The following PXK variants were observed in gnomAD, a reference collection of about 807,000 sequenced individuals.
The protein encoded by PXK is PX domain containing serine/threonine kinase like, also known as PX domain-containing protein kinase-like protein.
A neutral mutation model predicts 84.7 loss-of-function variants in PXK; 35 were observed. That is an observed-to-expected ratio of 0.41 (90% CI 0.32 to 0.55). The LOEUF (loss-of-function observed/expected upper bound fraction) is 0.55, where lower values mean the gene tolerates loss of function less well. PXK is among the 20% of genes least tolerant of loss of function. The pLI is 0.21. For missense variants in PXK, 634 were observed against 699.7 expected (o/e 0.91, Z 1.06); for synonymous variants, 253 against 260.8 (o/e 0.97, Z 0.29).
chr3:58,381,897 G>A (rs2098506744), intron 3 of PXK, among the ~76,000 whole-genome samples: 1 of 152,154 alleles, frequency 6.6e-6, no homozygotes, highest in Non-Finnish European at 1.5e-5. Flanking sequence ...ATGTCACCTG[G>A]TAGCAGGGGT....
chr3:58,395,106 C>G lies in PXK; in HGVS notation c.720+4C>G, dbSNP rs779199013. 111 of 1,592,880 alleles carry G rather than the reference C, an allele frequency of 7.0e-5. No homozygotes were observed. Among genetic ancestry groups the G allele is most frequent in the Non-Finnish European group, 5.8e-5 (67 of 1,161,372 alleles). ...ATTGAAGGATCTGATCTACAAGGTA[C>G]CTGTGCAAGTTCATGGTCATAAGGA... On this transcript the variant is annotated splice_donor_region_variant and intron_variant, in intron 8 of 17. Coordinates refer to ENST00000356151, the MANE Select transcript of PXK (RefSeq NM_017771.5).
At chr3:58,405,416 C>T (rs1165180473) in intron 13 of PXK, among the ~76,000 whole-genome samples, 1 of 152,070 alleles carries the variant, frequency 6.6e-6, no homozygotes, top group Admixed American at 6.5e-5. Flanking sequence ...TGGTGGCTCA[C>T]GCTTGTAATC....
At chr3:58,378,397 T>C (rs981207637) in intron 3 of PXK, among the ~76,000 whole-genome samples, 2 of 152,018 alleles carry the variant, frequency 1.3e-5, no homozygotes, top group Admixed American at 1.3e-4. Context: ...CACTCTTGAA[T>C]ATGGGCTGAT....
intron 8 of PXK, 23 bp from the exon 9 acceptor site, chr3:58,395,635 G>C: frequency 1.3e-6 from 2 of 1,558,178 alleles, no homozygotes; most frequent in Non-Finnish European, 1.8e-6. Flanking sequence ...GCTTTCTTAC[G>C]TGTTCTTTGT....
rs2097542392 is a variant in PXK at position 58,333,894 on chromosome 3, G to A, written c.102+804G>A. Among the ~76,000 whole-genome samples the A allele has an allele frequency of 6.7e-6, 1 of 149,430 alleles. No individual in the cohort carries two copies. ...CTTGTACCTTTTTTTTTTTTTGAAA[G>A]GCCCACTATGCATTATAATTTCCAA... On this transcript the variant is annotated intron_variant, in intron 1 of 17. Coordinates refer to ENST00000356151, the MANE Select transcript of PXK (RefSeq NM_017771.5). This position sits in a 1 kb window ranked among gnomAD's most constrained non-coding sequence, Gnocchi z 5.4.
At chr3:58,361,041 A>G (rs111835632) in intron 1 of PXK, among the ~76,000 whole-genome samples, 3,793 of 151,920 alleles carry the variant, frequency 0.025, 159 homozygotes, top group African/African-American at 0.087. Context: ...TCACGCCTGT[A>G]ATCCTGGCAC....
rs2059609822 is a variant in PXK at position 58,407,737 on chromosome 3, A to C, written c.1231-1187A>C. 6.6e-6 allele frequency among the ~76,000 whole-genome samples: 1 copy of C among 152,054 alleles called. No homozygotes were observed. The highest frequency in any genetic ancestry group is 1.5e-5 in the Non-Finnish European group (1 of 68,010). On this transcript the variant is annotated intron_variant, in intron 13 of 17. Transcript: ENST00000356151. The surrounding 1 kb of genome is among the most constrained non-coding windows in gnomAD (Gnocchi z 4.3). Reference sequence around the variant, plus strand: ...ACACCTGGCTAATTTTTGTATCTTTAGTAGAGACGGGGTTTTGCCATGTTG... The same window carrying C: ...ACACCTGGCTAATTTTTGTATCTTTCGTAGAGACGGGGTTTTGCCATGTTG...
At chr3:58,359,538 A>G (rs1271824246) in intron 1 of PXK, among the ~76,000 whole-genome samples, 1 of 151,986 alleles carries the variant, frequency 6.6e-6, no homozygotes, top group African/African-American at 2.4e-5. Flanking sequence ...TCAAAAAAAA[A>G]AAAAAAGAAA....
chr3:58,342,647 A>AAAAAAAAAAG (rs1553743386), intron 1 of PXK, among the ~76,000 whole-genome samples: 10 of 138,782 alleles, frequency 7.2e-5, no homozygotes, highest in African/African-American at 2.9e-4. Context: ...AAAAAAAAAA[A>AAAAAAAAAAG]AAAAGAAAAG....
chr3:58,368,512 G>A lies in PXK; in HGVS notation c.154-919G>A, dbSNP rs938763808. On this transcript the variant is annotated intron_variant, in intron 2 of 17. Transcript: ENST00000356151. ...TAATCTTTGTATTTTTAGTAGAGAC[G>A]GGTTTCGCCACATTGGCCAGGCTGG... Among the ~76,000 whole-genome samples, 19 of 152,010 alleles carry A rather than the reference G, an allele frequency of 1.2e-4. No homozygotes were observed. In the East Asian group the frequency reaches 2.9e-3, roughly 23 times the overall value.
chr3:58,378,926 G>A (rs112452282), intron 3 of PXK, among the ~76,000 whole-genome samples: 1 of 151,470 alleles, frequency 6.6e-6, no homozygotes, highest in Non-Finnish European at 1.5e-5. Flanking sequence ...ATTATTATTA[G>A]TAGTAGTAGT....
intron 3 of PXK, among the ~76,000 whole-genome samples, chr3:58,375,750 G>T (rs1199672506): frequency 1.3e-5 from 2 of 152,070 alleles, no homozygotes; most frequent in Non-Finnish European, 2.9e-5. Flanking sequence ...CCTGACATGG[G>T]ATGGGTTCCG....
At chr3:58,366,061 C>G in intron 2 of PXK, 137 bp downstream of exon 2, 3 of 757,996 alleles carry the variant, frequency 4.0e-6, no homozygotes, top group Non-Finnish European at 6.2e-6. Context: ...TAGCTATAAA[C>G]TTTTAGCTTT....
At chr3:58,404,329 A>G (rs1042546549) in intron 13 of PXK, among the ~76,000 whole-genome samples, 3 of 152,166 alleles carry the variant, frequency 2.0e-5, no homozygotes, top group African/African-American at 7.2e-5. Context: ...TATCTACAGC[A>G]GGGTTTTTCA....
chr3:58,421,676 A>G lies in PXK; in HGVS notation c.1529-3076A>G, dbSNP rs1046261986. 13 of 988,044 alleles carry G rather than the reference A, an allele frequency of 1.3e-5. No individual in the cohort carries two copies. The highest frequency in any genetic ancestry group is 4.7e-5 in the South Asian group (1 of 21,384). 61.2% of individuals were successfully genotyped at this position (988,044 alleles called of 1,614,324 possible). Reference sequence around the variant, plus strand: ...TGGCATTCCTCCCTAGATCTGACCTACGCTCTCCCTGCAGCATTCTCTGCC... The same window carrying G: ...TGGCATTCCTCCCTAGATCTGACCTGCGCTCTCCCTGCAGCATTCTCTGCC... On this transcript the variant is annotated intron_variant, in intron 17 of 17. Transcript: ENST00000356151. The surrounding 1 kb of genome is among the most constrained non-coding windows in gnomAD (Gnocchi z 5.5).
intron 1 of PXK, among the ~76,000 whole-genome samples, chr3:58,348,755 A>T (rs2097864235): frequency 7.4e-6 from 1 of 134,914 alleles, no homozygotes; most frequent in East Asian, 2.0e-4. Context: ...TACAAAACTT[A>T]AAAAAAAAAA....
In PXK at chr3:58,370,670, T is replaced by G. The variant is rs2098354391; in HGVS notation, c.201+1192T>G. The stretch of plus-strand genomic sequence containing the variant: ...GAGGAAGCGTAATACTTCCTTTCCT[T>G]CAGAAGGCCACGTTTTGTTGGTCAG... On this transcript the variant is annotated intron_variant, in intron 3 of 17. Transcript: ENST00000356151. This position sits in a 1 kb window ranked among gnomAD's most constrained non-coding sequence, Gnocchi z 4.2. Among the ~76,000 whole-genome samples, 1 of 152,100 alleles carries G rather than the reference T, an allele frequency of 6.6e-6. No individual in the cohort carries two copies.
At chr3:58,378,510 TTTTG>T (rs1377171498) in intron 3 of PXK, among the ~76,000 whole-genome samples, 52 of 27,712 alleles carry the variant, frequency 1.9e-3, no homozygotes, top group African/African-American at 3.7e-3. Flanking sequence ...TTTTTTTTTT[TTTTG>T]TGTGTGTGTG....
At chr3:58,406,441 C>A (rs1213807460) in intron 13 of PXK, among the ~76,000 whole-genome samples, 2 of 151,478 alleles carry the variant, frequency 1.3e-5, no homozygotes, top group Non-Finnish European at 2.9e-5. Flanking sequence ...CCACACCCTG[C>A]TAATTTTTTA....
Sources: allele counts gnomAD v4.1 joint callset (sites outside exome capture counted in the v4.1 genomes callset), GRCh38; gene constraint gnomAD v4.1.1; non-coding constraint Gnocchi (gnomAD v3.1); transcripts MANE v1.5; gene names NCBI Gene and HGNC (gene_info 2026-07-23, HGNC 2026-07-21).